EXOC4: variants seen among roughly 807,000 people sequenced by gnomAD.
EXOC4 encodes the protein SEC8-like 1.
Under a neutral mutation model 107.2 loss-of-function variants are expected in EXOC4, and 71 were observed. The observed-to-expected ratio is 0.66, with a 90% CI of 0.55 to 0.81. The LOEUF is 0.81. Among genes scored for constraint, EXOC4 ranks in the 30% least tolerant of loss-of-function variants. EXOC4 has a pLI of 0.00. For synonymous variants in EXOC4, 456 were observed against 441.2 expected (o/e 1.03, Z -0.42); for missense variants, 1,108 against 1,189.6 (o/e 0.93, Z 1.01).
chr7:133,833,160 A>G (rs1797846645), intron 11 of EXOC4, among the ~76,000 whole-genome samples: 1 of 152,126 alleles, frequency 6.6e-6, no homozygotes, highest in South Asian at 2.1e-4. Context: ...TAGACTCTGC[A>G]AAACTTAACA....
At chr7:133,818,845 G>T (rs921575740) in intron 11 of EXOC4, among the ~76,000 whole-genome samples, 1 of 152,066 alleles carries the variant, frequency 6.6e-6, no homozygotes, top group East Asian at 1.9e-4. Context: ...CTTACCACCA[G>T]CCCCATCCAT....
At chr7:133,723,147 C>T (rs772865200) in intron 10 of EXOC4, among the ~76,000 whole-genome samples, 12 of 152,168 alleles carry the variant, frequency 7.9e-5, no homozygotes, top group Non-Finnish European at 1.6e-4. Context: ...ATGTCTGTTG[C>T]TCATTAAAGT....
intron 17 of EXOC4, among the ~76,000 whole-genome samples, chr7:134,063,544 GC>G (rs1264502853): frequency 1.3e-5 from 2 of 152,160 alleles, no homozygotes; most frequent in Non-Finnish European, 2.9e-5. Flanking sequence ...GGGAGGTGTA[GC>G]CCCTGGGTGG....
At chr7:133,331,614 C>T (rs772612783) in intron 5 of EXOC4, among the ~76,000 whole-genome samples, 6 of 151,762 alleles carry the variant, frequency 4.0e-5, no homozygotes, top group Non-Finnish European at 7.4e-5. Context: ...TACAGGCGCC[C>T]GCCACCTCGC....
intron 10 of EXOC4, among the ~76,000 whole-genome samples, chr7:133,714,857 G>C (rs1161313396): frequency 6.6e-6 from 1 of 152,144 alleles, no homozygotes; most frequent in Admixed American, 6.5e-5. Flanking sequence ...AGAGCAAACA[G>C]ATTTGGACTT....
Position 134,013,292 on chromosome 7 carries a change from C to T in EXOC4, c.2687+5457C>T, listed in dbSNP as rs184651515. The stretch of plus-strand genomic sequence containing the variant: ...ATGGCACGTTACCAAAACCTATTAC[C>T]TCAATCTAATCATGAGAAAGACATC... On this transcript the variant is annotated intron_variant, in intron 17 of 17. Coordinates refer to ENST00000253861, the MANE Select transcript of EXOC4 (RefSeq NM_021807.4). 2.1e-3 allele frequency among the ~76,000 whole-genome samples: 314 copies of T among 152,218 alleles called. 1 individual carries two copies. The highest frequency in any genetic ancestry group is 7.3e-3 in the African/African-American group (304 of 41,532).
intron 9 of EXOC4, chr7:133,576,616 C>T (rs1344732222): frequency 7.8e-7 from 1 of 1,289,718 alleles, no homozygotes; most frequent in Non-Finnish European, 1.0e-6. Context: ...GTAGAGATAA[C>T]CACCTAGCTA....
intron 14 of EXOC4, among the ~76,000 whole-genome samples, chr7:133,982,220 T>G (rs1794001723): frequency 6.6e-6 from 1 of 152,028 alleles, no homozygotes; most frequent in Non-Finnish European, 1.5e-5. Context: ...TATAACAAAC[T>G]TACACAGGTA....
At chr7:133,622,705 G>T (rs1239491210) in intron 9 of EXOC4, among the ~76,000 whole-genome samples, 1 of 151,988 alleles carries the variant, frequency 6.6e-6, no homozygotes, top group Non-Finnish European at 1.5e-5. Flanking sequence ...TGAATAACCA[G>T]CTGCTTTATT....
intron 10 of EXOC4, among the ~76,000 whole-genome samples, chr7:133,707,519 A>G (rs1794794298): frequency 6.6e-6 from 1 of 152,086 alleles, no homozygotes; most frequent in East Asian, 1.9e-4. Context: ...CAATTAATTA[A>G]GTTTTCTATT....
chr7:133,338,068 G>C (rs1467404116), intron 5 of EXOC4, among the ~76,000 whole-genome samples: 1 of 147,344 alleles, frequency 6.8e-6, no homozygotes, highest in African/African-American at 2.5e-5. Flanking sequence ...AGTTCTACTA[G>C]TTTTCTGTTC....
At chr7:133,790,582 C>T (rs1488582733) in intron 10 of EXOC4, among the ~76,000 whole-genome samples, 1 of 152,222 alleles carries the variant, frequency 6.6e-6, no homozygotes, top group Non-Finnish European at 1.5e-5. Flanking sequence ...TTGTGGGTGA[C>T]CACATGCATT....
Position 133,450,174 on chromosome 7 carries a change from A to G in EXOC4, c.1183-25154A>G, listed in dbSNP as rs1226254475. On this transcript the variant is annotated intron_variant, in intron 7 of 17. Transcript: ENST00000253861. ...ATTTTTTGTTTCTAGTTTTTGGGTT[A>G]TTATTATTTTTTTTTTGAGACAGAG... 4.6e-5 allele frequency among the ~76,000 whole-genome samples: 7 copies of G among 151,682 alleles called. No homozygotes were observed. In the South Asian group the frequency reaches 1.5e-3, roughly 32 times the overall value.
rs374654296 is a variant in EXOC4 at position 133,361,441 on chromosome 7, C to T, written c.1007+4868C>T. 3.6e-4 allele frequency among the ~76,000 whole-genome samples: 55 copies of T among 152,190 alleles called. 1 individual carries two copies. The East Asian group carries it at 8.3e-3, about 23-fold the overall frequency. On this transcript the variant is annotated intron_variant, in intron 6 of 17. Transcript: ENST00000253861. Reference sequence around the variant, plus strand: ...GACTACAGGTGCCTGCCACCACGCCCGGCTAATTTTTTGTATTTTTTGTAG... The same window carrying T: ...GACTACAGGTGCCTGCCACCACGCCTGGCTAATTTTTTGTATTTTTTGTAG...
chr7:133,405,484 A>G (rs1369112395), intron 7 of EXOC4, among the ~76,000 whole-genome samples: 1 of 152,162 alleles, frequency 6.6e-6, no homozygotes, highest in African/African-American at 2.4e-5. Context: ...TTTTCTGAAT[A>G]TGATTTTTAT....
chr7:133,730,133 A>G (rs925963881), intron 10 of EXOC4, among the ~76,000 whole-genome samples: 2 of 148,526 alleles, frequency 1.3e-5, no homozygotes, highest in East Asian at 3.9e-4. Context: ...TCTAATAACC[A>G]CAAATCAAGG....
At chr7:133,882,096 A>G (rs1327806987) in intron 11 of EXOC4, among the ~76,000 whole-genome samples, 2 of 152,214 alleles carry the variant, frequency 1.3e-5, no homozygotes, top group Non-Finnish European at 2.9e-5. Context: ...AGTGAGACCA[A>G]ACAGTATATA....
At chr7:133,875,624 C>A (rs1362373283) in intron 11 of EXOC4, among the ~76,000 whole-genome samples, 1 of 152,168 alleles carries the variant, frequency 6.6e-6, no homozygotes, top group Admixed American at 6.5e-5. Flanking sequence ...CACTTCCTGT[C>A]CTGACACCAT....
At chr7:134,000,301 A>G (rs1298798159) in intron 15 of EXOC4, among the ~76,000 whole-genome samples, 1 of 152,176 alleles carries the variant, frequency 6.6e-6, no homozygotes, top group Non-Finnish European at 1.5e-5. Flanking sequence ...ATGATACAAA[A>G]TGAAAAAGAC....
Sources: allele counts gnomAD v4.1 joint callset (sites outside exome capture counted in the v4.1 genomes callset), GRCh38; gene constraint gnomAD v4.1.1; transcripts MANE v1.5; gene names NCBI Gene and HGNC (gene_info 2026-07-23, HGNC 2026-07-21).